Variants in TNRC18 observed in about 807,000 individuals in gnomAD.
The protein encoded by TNRC18 is trinucleotide repeat-containing gene 18 protein.
Under a neutral mutation model 226.7 loss-of-function variants are expected in TNRC18, and 69 were observed. The ratio of observed to expected loss-of-function variants is 0.30; its 90% confidence interval spans 0.25 to 0.37. The LOEUF is 0.37. Among genes scored for constraint, TNRC18 ranks in the 10% least tolerant of loss-of-function variants. TNRC18 has a pLI of 1.00. For synonymous variants in TNRC18, 2,449 were observed against 1,927.6 expected, an observed-to-expected ratio of 1.27 and a Z score of -7.09; for missense variants, 4,754 against 4,256.6, an observed-to-expected ratio of 1.12 and a Z score of -3.25.
chr7:5,358,102 C>T (rs1477928456), intron 15 of TNRC18, among the ~76,000 whole-genome samples: 1 of 152,126 alleles, frequency 6.6e-6, no homozygotes, highest in Non-Finnish European at 1.5e-5. Flanking sequence ...TCTCAGCCAC[C>T]TACAGCAGCT....
chr7:5,381,214 T>A (rs2128185561), intron 5 of TNRC18, among the ~76,000 whole-genome samples: 1 of 152,330 alleles, frequency 6.6e-6, no homozygotes, highest in South Asian at 2.1e-4. Context: ...TAGTGAGCCC[T>A]CTGTCCCCCA....
chr7:5,356,895 G>C, intron 16 of TNRC18, 21 bp downstream of exon 16: 5 of 1,507,966 alleles, frequency 3.3e-6, no homozygotes, highest in Non-Finnish European at 4.4e-6. Context: ...GACCAGAGGT[G>C]GCGCGGCATA....
rs1779975707 is a variant in TNRC18 at position 5,388,333 on chromosome 7, C to T, written c.1491G>A (p.Glu497=). Residue 497 remains glutamate (E), a synonymous_variant, in exon 5 of 30, where the codon GAG becomes GAA. Coordinates refer to ENST00000430969, the MANE Select transcript of TNRC18 (RefSeq NM_001080495.3). ...GGCCGGTGGGCGGGGGGCGCCCGGG[C>T]TCCAGGCCGAAGAGCTTGGCGGCCT... ...AQQAAKLFGL[E]PGRPPPTGPE... 6.3e-7 allele frequency: 1 copy of T among 1,596,050 alleles called. No individual in the cohort carries two copies. Among genetic ancestry groups the T allele is most frequent in the Admixed American group, 1.7e-5 (1 of 57,810 alleles).
chr7:5,312,488 C>A lies in TNRC18; in HGVS notation c.8388+15G>T, dbSNP rs765972240. The A allele has an allele frequency of 6.2e-7, 1 of 1,608,640 alleles. No individual in the cohort carries two copies. Among genetic ancestry groups the A allele is most frequent in the Non-Finnish European group, 8.5e-7 (1 of 1,178,692 alleles). On this transcript the variant is annotated intron_variant, in intron 27 of 29. Coordinates refer to ENST00000430969, the MANE Select transcript of TNRC18 (RefSeq NM_001080495.3). The surrounding 1 kb of genome is among the most constrained non-coding windows in gnomAD (Gnocchi z 6.3). ...CCCCGGCCCCTCGGCCGTGCCCGGG[C>A]GCGAGCTTGCTCACCTGGGTGGGCT...
chr7:5,306,830 A>AAAAG lies in TNRC18; in HGVS notation c.*1272_*1275dup, dbSNP rs574261387. The AAAAG allele has an allele frequency of 2.6e-4, 40 of 151,752 alleles. 1 individual carries two copies. The highest frequency in any genetic ancestry group is 8.5e-4 in the Admixed American group (13 of 15,272). The allele number at this position is 151,752 out of a possible 1,614,324, so 9.4% of individuals were successfully genotyped here. Reference sequence around the variant, plus strand: ...TAAATCTTTTCTTTTTTTTTATGAAAAAAGATCACACAGAATTTGCCAACA... The same window carrying AAAAG: ...TAAATCTTTTCTTTTTTTTTATGAAAAAAGAAAGATCACACAGAATTTGCCAACA... On this transcript the variant is annotated 3_prime_UTR_variant, in exon 30 of 30. Coordinates refer to ENST00000430969, the MANE Select transcript of TNRC18 (RefSeq NM_001080495.3).
chr7:5,313,903 C>T, intron 26 of TNRC18, 40 bp from the exon 27 acceptor site: 1 of 1,425,614 alleles, frequency 7.0e-7, no homozygotes, highest in Non-Finnish European at 9.2e-7. Flanking sequence ...GCGGGGGCTT[C>T]CTGGCAGAGA....
Position 5,306,932 on chromosome 7 carries a change from T to C in TNRC18, c.*1174A>G, listed in dbSNP as rs1786575329. ...AACAAACCCAAAGTCTGGCTTTTCC[T>C]TCCCTCAAGATTGTCTGGTTGAGGC... is the stretch of plus-strand genomic sequence containing the variant. On this transcript the variant is annotated 3_prime_UTR_variant, in exon 30 of 30. Coordinates refer to ENST00000430969, the MANE Select transcript of TNRC18 (RefSeq NM_001080495.3). The C allele has an allele frequency of 1.3e-5, 2 of 151,538 alleles. No homozygotes were observed. Among genetic ancestry groups the C allele is most frequent in the African/African-American group, 4.8e-5 (2 of 41,310 alleles). 9.4% of individuals were successfully genotyped at this position (151,538 alleles called of 1,614,324 possible).
At chr7:5,371,718 G>C (rs1794173871) in intron 10 of TNRC18, among the ~76,000 whole-genome samples, 1 of 152,106 alleles carries the variant, frequency 6.6e-6, no homozygotes, top group African/African-American at 2.4e-5. Context: ...CACCTTGTGT[G>C]GTCTGGTCTC....
At chr7:5,392,142 C>T (rs915231493) in intron 3 of TNRC18, among the ~76,000 whole-genome samples, 9 of 152,100 alleles carry the variant, frequency 5.9e-5, no homozygotes, top group African/African-American at 1.9e-4. Flanking sequence ...AAGGGCTACC[C>T]GATACCTGTT....
chr7:5,389,266 AG>A lies in TNRC18; in HGVS notation c.557del (p.Pro186LeufsTer56), dbSNP rs1399599338. 1.5e-6 allele frequency: 2 copies of A among 1,307,484 alleles called. No homozygotes were observed. Among genetic ancestry groups the A allele is most frequent in the Non-Finnish European group, 9.7e-7 (1 of 1,029,930 alleles). The allele number at this position is 1,307,484 out of a possible 1,614,324, so 81.0% of individuals were successfully genotyped here. A position where few individuals can be genotyped will look rare whatever the true frequency, so the allele number is the denominator to read the frequency against. On this transcript the variant is annotated frameshift_variant, in exon 5 of 30. Coordinates refer to ENST00000430969, the MANE Select transcript of TNRC18 (RefSeq NM_001080495.3). LOFTEE classifies it high-confidence loss of function. ...LHSHAPSART[P>X]GGGHSSGAPA... ...GGGCGCCCGAGGAGTGGCCGCCGCC[AG>A]GGGTCCGGGCCGAGGGCGCGTGAGA...
Position 5,351,908 on chromosome 7 carries a change from G to A in TNRC18, c.5381C>T (p.Thr1794Ile). 1.9e-6 allele frequency: 3 copies of A among 1,613,702 alleles called. No homozygotes were observed. Among genetic ancestry groups the A allele is most frequent in the Non-Finnish European group, 2.5e-6 (3 of 1,179,808 alleles). ...CAGACAAAACGGCTGCTTCCTGCTG[G>A]TGGCCGGCTTGGGTTTCAGAGTCCG... ...APRTLKPKPA[T>I]SRKQPFCLLL... The change falls in exon 17 of 30, where the codon ACC (threonine) becomes ATC (isoleucine). Residue 1794 changes from threonine (T) to isoleucine (I), a missense_variant. By Grantham distance (89) the Thr-to-Ile change is moderately conservative (BLOSUM62 -1). Coordinates refer to ENST00000430969, the MANE Select transcript of TNRC18 (RefSeq NM_001080495.3).
intron 1 of TNRC18, 42 bp from the exon 2 acceptor site, chr7:5,421,531 G>C (rs964968651): frequency 6.6e-6 from 1 of 152,016 alleles, no homozygotes; most frequent in African/African-American, 2.4e-5. Flanking sequence ...ATAGAAAGGG[G>C]GAAAGAAAAA....
chr7:5,397,193 G>A (rs1057179434), intron 2 of TNRC18, among the ~76,000 whole-genome samples: 8 of 152,128 alleles, frequency 5.3e-5, no homozygotes, highest in South Asian at 2.1e-4. Flanking sequence ...GGCCCAAGCC[G>A]GGGCAGCAGG....
intron 12 of TNRC18, 25 bp downstream of exon 12, chr7:5,362,625 A>G: frequency 6.5e-7 from 1 of 1,530,108 alleles, no homozygotes; most frequent in Non-Finnish European, 8.8e-7. Flanking sequence ...CGCGGACCCC[A>G]GGGAGGAAGC....
At chr7:5,317,919 G>GAGTGC (rs1788014207) in intron 24 of TNRC18, among the ~76,000 whole-genome samples, 1 of 151,998 alleles carries the variant, frequency 6.6e-6, no homozygotes, top group Middle Eastern at 3.2e-3. Flanking sequence ...ACCCAGGCTA[G>GAGTGC]AGTGCAGCGG....
rs927948451 is a variant in TNRC18 at position 5,321,038 on chromosome 7, A to C, written c.6560+35T>G. 3 of 1,454,342 alleles carry C rather than the reference A, an allele frequency of 2.1e-6. No homozygotes were observed. The African/African-American group carries it at 4.2e-5, about 20-fold the overall frequency. 90.1% of individuals were successfully genotyped at this position (1,454,342 alleles called of 1,614,324 possible). On this transcript the variant is annotated intron_variant, in intron 22 of 29. Transcript: ENST00000430969. ...CCGGGACACGGGGCGGGTATGGGAC[A>C]CGGGGCTCTGTGCCGGACCTCCCAC...
chr7:5,396,910 G>A (rs1468748311), intron 2 of TNRC18, among the ~76,000 whole-genome samples: 4 of 152,186 alleles, frequency 2.6e-5, no homozygotes, highest in South Asian at 2.1e-4. Context: ...CTCACTGACC[G>A]CCTCCCAGGG....
In TNRC18 at chr7:5,351,950, C is replaced by T; in HGVS notation, c.5339G>A (p.Arg1780Lys). ...CAGAGTCCGGGGGGCCGCCAGGCCC[C>T]TCTTGGTCAGCTTGGGGCCACCAGC... is the stretch of plus-strand genomic sequence containing the variant. ...KAAGGPKLTK[R>K]GLAAPRTLKP... The change falls in exon 17 of 30, where the codon AGG becomes AAG. Residue 1780 changes from arginine to lysine, a missense_variant. By Grantham distance (26) the Arg-to-Lys change is conservative. Transcript: ENST00000430969. 6.2e-7 allele frequency: 1 copy of T among 1,613,920 alleles called. No homozygotes were observed. Among genetic ancestry groups the T allele is most frequent in the Non-Finnish European group, 8.5e-7 (1 of 1,179,872 alleles).
In TNRC18 at chr7:5,362,600, C is replaced by A. The variant is rs537326305; in HGVS notation, c.4395+50G>T. Reference sequence around the variant, plus strand: ...TAGGGCACCTCCACAGAGGGGCCTCCCACCCAGCCTCCCCCGCGGACCCCA... The same window carrying A: ...TAGGGCACCTCCACAGAGGGGCCTCACACCCAGCCTCCCCCGCGGACCCCA... On this transcript the variant is annotated intron_variant, in intron 12 of 29. Transcript: ENST00000430969. 13 of 1,474,724 alleles carry A rather than the reference C, an allele frequency of 8.8e-6. No homozygotes were observed. In the South Asian group the frequency reaches 1.7e-4, roughly 19 times the overall value. 91.4% of individuals were successfully genotyped at this position (1,474,724 alleles called of 1,614,324 possible). A position where few individuals can be genotyped will look rare whatever the true frequency, so the allele number is the denominator to read the frequency against.
Sources: allele counts gnomAD v4.1 joint callset (sites outside exome capture counted in the v4.1 genomes callset), GRCh38; gene constraint gnomAD v4.1.1; non-coding constraint Gnocchi (gnomAD v3.1); transcripts MANE v1.5; gene names NCBI Gene and HGNC (gene_info 2026-07-23, HGNC 2026-07-21).